SLC39A11: variants seen among roughly 807,000 people sequenced by gnomAD.
SLC39A11 encodes zinc transporter ZIP11.
A neutral mutation model predicts 36.1 loss-of-function variants in SLC39A11; 33 were observed. The observed-to-expected ratio is 0.91, with a 90% CI of 0.69 to 1.22. The LOEUF is 1.22. Ranked by LOEUF, SLC39A11 falls within the 50% of genes most tolerant of loss-of-function variation. SLC39A11 has a pLI of 0.00. For synonymous variants in SLC39A11, 166 were observed against 170.3 expected, an observed-to-expected ratio of 0.97 and a Z score of 0.20; for missense variants, 432 against 430.3, an observed-to-expected ratio of 1.00 and a Z score of -0.03.
intron 7 of SLC39A11, among the ~76,000 whole-genome samples, chr17:72,667,534 G>T (rs550938078): frequency 6.6e-6 from 1 of 152,328 alleles, no homozygotes. Context: ...CAAGTGCAGG[G>T]TGCATGGCCA....
At chr17:73,004,370 C>A (rs1038396405) in intron 4 of SLC39A11, among the ~76,000 whole-genome samples, 1 of 152,208 alleles carries the variant, frequency 6.6e-6, no homozygotes, top group Non-Finnish European at 1.5e-5. Flanking sequence ...TGCTCCTCGG[C>A]TCCCAGAGGG....
At chr17:72,844,898 C>T (rs2078982883) in intron 6 of SLC39A11, among the ~76,000 whole-genome samples, 1 of 152,192 alleles carries the variant, frequency 6.6e-6, no homozygotes, top group Non-Finnish European at 1.5e-5. Context: ...GATGGCAATT[C>T]CATCCCTGCA....
At chr17:72,758,171 C>T (rs1329669515) in intron 6 of SLC39A11, among the ~76,000 whole-genome samples, 1 of 152,124 alleles carries the variant, frequency 6.6e-6, no homozygotes, top group Non-Finnish European at 1.5e-5. Context: ...TAAATGTGAG[C>T]CACTGCTCCC....
At chr17:72,707,508 T>C (rs2072940738) in intron 7 of SLC39A11, among the ~76,000 whole-genome samples, 1 of 152,178 alleles carries the variant, frequency 6.6e-6, no homozygotes, top group Non-Finnish European at 1.5e-5. Flanking sequence ...TATGTATACA[T>C]GTATAGGCAG....
intron 7 of SLC39A11, among the ~76,000 whole-genome samples, chr17:72,734,151 G>A (rs973128721): frequency 1.3e-5 from 2 of 152,124 alleles, no homozygotes; most frequent in African/African-American, 4.8e-5. Context: ...CCTATGTGTA[G>A]TGTGAACTAA....
intron 7 of SLC39A11, among the ~76,000 whole-genome samples, chr17:72,714,468 G>A (rs574233732): frequency 1.8e-4 from 28 of 152,106 alleles, no homozygotes; most frequent in African/African-American, 5.5e-4. Context: ...ATAATGGGTC[G>A]CCAAAAAAGG....
intron 7 of SLC39A11, among the ~76,000 whole-genome samples, chr17:72,663,506 G>T (rs1028104776): frequency 4.6e-5 from 7 of 152,052 alleles, no homozygotes; most frequent in African/African-American, 1.7e-4. Context: ...GCTCCTCATG[G>T]GCCTCTCCTG....
chr17:73,011,972 A>G (rs1306423746), intron 4 of SLC39A11, among the ~76,000 whole-genome samples: 1 of 149,252 alleles, frequency 6.7e-6, no homozygotes, highest in Non-Finnish European at 1.5e-5. Context: ...CTAGTTGTAC[A>G]TTTTTAAATG....
At chr17:72,709,519 G>A (rs182054338) in intron 7 of SLC39A11, among the ~76,000 whole-genome samples, 10 of 152,326 alleles carry the variant, frequency 6.6e-5, no homozygotes, top group Admixed American at 5.9e-4. Context: ...GAACAGAGAT[G>A]AGCTGAGCCA....
intron 5 of SLC39A11, among the ~76,000 whole-genome samples, chr17:72,866,343 C>G (rs183351562): frequency 6.6e-6 from 1 of 152,086 alleles, no homozygotes; most frequent in Non-Finnish European, 1.5e-5. Context: ...AAAACAAGCT[C>G]GGGGCTCCCA....
At chr17:73,073,250 A>G (rs553301099) in intron 3 of SLC39A11, among the ~76,000 whole-genome samples, 1 of 152,338 alleles carries the variant, frequency 6.6e-6, no homozygotes, top group South Asian at 2.1e-4. Flanking sequence ...CCCAATTATG[A>G]GAGTGTGGAG....
At chr17:73,049,213 A>G (rs1167284487) in intron 3 of SLC39A11, among the ~76,000 whole-genome samples, 1 of 152,184 alleles carries the variant, frequency 6.6e-6, no homozygotes, top group Admixed American at 6.5e-5. Flanking sequence ...TCATAAGGCC[A>G]AAGGCGCTAC....
chr17:72,997,046 C>T (rs1192227271), intron 4 of SLC39A11, among the ~76,000 whole-genome samples: 2 of 152,058 alleles, frequency 1.3e-5, no homozygotes, highest in Non-Finnish European at 2.9e-5. Flanking sequence ...GCAGCTGACC[C>T]CCAGCTGATC....
At chr17:72,828,279 T>A (rs534353034) in intron 6 of SLC39A11, among the ~76,000 whole-genome samples, 1 of 152,258 alleles carries the variant, frequency 6.6e-6, no homozygotes, top group Non-Finnish European at 1.5e-5. Flanking sequence ...ACTGTAATCA[T>A]AAGGGTCCTT....
intron 7 of SLC39A11, among the ~76,000 whole-genome samples, chr17:72,729,281 G>T (rs1361100753): frequency 1.4e-5 from 2 of 147,676 alleles, no homozygotes; most frequent in African/African-American, 2.5e-5. Context: ...CTATTGCCCA[G>T]GATGGAGTGC....
In SLC39A11 at chr17:73,036,530, G is replaced by A. The variant is rs367607342; in HGVS notation, c.148-4816C>T. 5.4e-4 allele frequency among the ~76,000 whole-genome samples: 82 copies of A among 152,074 alleles called. 1 individual carries two copies. Among genetic ancestry groups the A allele is most frequent in the African/African-American group, 1.9e-3 (79 of 41,446 alleles). On this transcript the variant is annotated intron_variant, in intron 3 of 9. Coordinates refer to ENST00000255559, the MANE Select transcript of SLC39A11 (RefSeq NM_139177.4). Reference sequence around the variant, plus strand: ...AGCGTAATCTCAGCTCACTGCAACCGCTGCCTCCCATGTTCAAGTAATTCT... The same window carrying A: ...AGCGTAATCTCAGCTCACTGCAACCACTGCCTCCCATGTTCAAGTAATTCT...
intron 7 of SLC39A11, among the ~76,000 whole-genome samples, chr17:72,651,139 A>G (rs1231556932): frequency 2.6e-5 from 4 of 152,110 alleles, no homozygotes; most frequent in Non-Finnish European, 5.9e-5. Flanking sequence ...ACAGAATCTC[A>G]TACCTGTCAC....
chr17:73,028,705 T>C (rs1421105921), intron 4 of SLC39A11, among the ~76,000 whole-genome samples: 3 of 151,930 alleles, frequency 2.0e-5, no homozygotes, highest in African/African-American at 7.3e-5. Context: ...TCCCCAGACA[T>C]TCACCAGCTG....
intron 4 of SLC39A11, among the ~76,000 whole-genome samples, chr17:73,008,398 C>A (rs922560459): frequency 6.6e-6 from 1 of 152,130 alleles, no homozygotes; most frequent in African/African-American, 2.4e-5. Flanking sequence ...CCCAAACAAC[C>A]ACACTGCCCT....
Sources: allele counts gnomAD v4.1 joint callset (sites outside exome capture counted in the v4.1 genomes callset), GRCh38; gene constraint gnomAD v4.1.1; transcripts MANE v1.5; gene names NCBI Gene and HGNC (gene_info 2026-07-23, HGNC 2026-07-21).